Variants in RIMBP2 observed in about 807,000 individuals in gnomAD.
RIMBP2 encodes the protein RIMS-binding protein 2.
A neutral mutation model predicts 118.6 loss-of-function variants in RIMBP2; 48 were observed. The observed-to-expected ratio is 0.40, with a 90% CI of 0.32 to 0.51. The LOEUF (loss-of-function observed/expected upper bound fraction) is 0.51, where lower values mean the gene tolerates loss of function less well. Among genes scored for constraint, RIMBP2 ranks in the 20% least tolerant of loss-of-function variants. The pLI is 0.41. For synonymous variants in RIMBP2, 762 were observed against 742.9 expected, an observed-to-expected ratio of 1.03 and a Z score of -0.42; for missense variants, 1,551 against 1,768.3, an observed-to-expected ratio of 0.88 and a Z score of 2.20.
chr12:130,646,164 TCACCAC>T, intron 1 of RIMBP2, among the ~76,000 whole-genome samples: 1 of 82,934 alleles, frequency 1.2e-5, no homozygotes, highest in Non-Finnish European at 2.9e-5. Context: ...TCCACCTCCC[TCACCAC>T]CTGCCTCTCC....
chr12:130,429,677 A>G (rs2077033937), intron 14 of RIMBP2: 1 of 152,172 alleles, frequency 6.6e-6, no homozygotes, highest in African/African-American at 2.4e-5. Flanking sequence ...TTCCTAACCC[A>G]GATGAAGATG....
intron 2 of RIMBP2, among the ~76,000 whole-genome samples, chr12:130,577,756 A>T (rs1331203328): frequency 6.6e-6 from 1 of 152,134 alleles, no homozygotes; most frequent in Non-Finnish European, 1.5e-5. Context: ...AAATGCCTTT[A>T]TGGTGCAATA....
intron 6 of RIMBP2, among the ~76,000 whole-genome samples, chr12:130,463,002 G>A (rs558375155): frequency 2.0e-5 from 3 of 152,300 alleles, no homozygotes; most frequent in East Asian, 3.9e-4. Flanking sequence ...TAGGCTCCTC[G>A]CCTGAGCACA....
intron 2 of RIMBP2, among the ~76,000 whole-genome samples, chr12:130,616,166 G>C (rs1246570569): frequency 1.3e-5 from 2 of 152,106 alleles, no homozygotes; most frequent in Admixed American, 6.5e-5. Context: ...CAGACAAATG[G>C]GGAGCTGTTC....
intron 1 of RIMBP2, among the ~76,000 whole-genome samples, chr12:130,659,241 G>A (rs995904751): frequency 1.3e-5 from 2 of 152,096 alleles, no homozygotes; most frequent in African/African-American, 2.4e-5. Flanking sequence ...CAATGTATCC[G>A]AAATATTACC....
Position 130,648,614 on chromosome 12 carries a change from C to T in RIMBP2, c.-351-20158G>A, listed in dbSNP as rs186449598. ...TTTTTTCTACAATAAATATATGTTA[C>T]TCCATTAATCATAATCAAGTTAAAA... is the stretch of plus-strand genomic sequence containing the variant. On this transcript the variant is annotated intron_variant, in intron 1 of 22. Transcript: ENST00000690449. Among the ~76,000 whole-genome samples, 185 of 144,266 alleles carry T rather than the reference C, an allele frequency of 1.3e-3. 12 individuals are homozygous for T. Among genetic ancestry groups the T allele is most frequent in the East Asian group, 8.0e-3 (41 of 5,128 alleles). 94.6% of individuals were successfully genotyped at this position (144,266 alleles called of 152,430 possible).
chr12:130,470,476 T>C, intron 6 of RIMBP2: 1 of 387,032 alleles, frequency 2.6e-6, no homozygotes, highest in Non-Finnish European at 4.6e-6. Flanking sequence ...CTGCTTAACC[T>C]CTCTGTGCCT....
intron 2 of RIMBP2, among the ~76,000 whole-genome samples, chr12:130,537,685 A>G (rs539986990): frequency 1.2e-4 from 19 of 152,234 alleles, no homozygotes; most frequent in Non-Finnish European, 2.6e-4. Flanking sequence ...CAGGTTGTAC[A>G]TATACGGTAC....
At position 130,431,382 on chromosome 12, in the gene RIMBP2, T is replaced by C. The variant is rs1262044725; in HGVS notation, c.2254-3045A>G. On this transcript the variant is annotated intron_variant, in intron 14 of 22. Transcript: ENST00000690449. The surrounding 1 kb of genome is among the most constrained non-coding windows in gnomAD (Gnocchi z 4.0). ...TTCCCGGGTTGTAAAACTGGCAGTC[T>C]GTGCACCAGCTCAACTTCAGTCACT... 8.1e-6 allele frequency: 3 copies of C among 371,092 alleles called. No individual in the cohort carries two copies. The highest frequency in any genetic ancestry group is 5.4e-5 in the Admixed American group (2 of 37,264). The allele number at this position is 371,092 out of a possible 1,614,324, so 23.0% of individuals were successfully genotyped here. A position where few individuals can be genotyped will look rare whatever the true frequency, so the allele number is the denominator to read the frequency against.
chr12:130,433,468 G>C (rs1220360738), intron 14 of RIMBP2, among the ~76,000 whole-genome samples: 3 of 152,328 alleles, frequency 2.0e-5, no homozygotes, highest in South Asian at 2.1e-4. Context: ...TCTTCAGAGA[G>C]AGCACCCTCA....
intron 6 of RIMBP2, among the ~76,000 whole-genome samples, chr12:130,470,018 T>C (rs1010994888): frequency 6.6e-6 from 1 of 152,294 alleles, no homozygotes; most frequent in Admixed American, 6.5e-5. Context: ...GAGGCTGGCA[T>C]TGGACCAGGA....
rs2052710220 is a variant in RIMBP2, at chr12:130,525,718, C to T, written c.-216-7801G>A. 6.6e-6 allele frequency among the ~76,000 whole-genome samples: 1 copy of T among 152,150 alleles called. No homozygotes were observed. The highest frequency in any genetic ancestry group is 2.4e-5 in the African/African-American group (1 of 41,422). ...GTATGGGGGGAGATGACCCAAGGGG[C>T]TCATGTTGGATGATGCAGCAGCTTT... On this transcript the variant is annotated intron_variant, in intron 2 of 22. Coordinates refer to ENST00000690449, the MANE Select transcript of RIMBP2 (RefSeq NM_001393629.1). The surrounding 1 kb of genome is among the most constrained non-coding windows in gnomAD (Gnocchi z 4.4).
At chr12:130,473,608 G>A (rs185958422) in intron 5 of RIMBP2, among the ~76,000 whole-genome samples, 13 of 152,302 alleles carry the variant, frequency 8.5e-5, no homozygotes, top group African/African-American at 2.2e-4. Flanking sequence ...CTCCGTGGGC[G>A]TTATGAAACG....
At chr12:130,512,376 G>A (rs1337032056) in intron 3 of RIMBP2, among the ~76,000 whole-genome samples, 6 of 152,056 alleles carry the variant, frequency 3.9e-5, no homozygotes, top group African/African-American at 1.4e-4. Flanking sequence ...AGGCTGGAGT[G>A]CAGTGGCATG....
At chr12:130,485,737 G>A (rs958230073) in intron 4 of RIMBP2, among the ~76,000 whole-genome samples, 3 of 152,168 alleles carry the variant, frequency 2.0e-5, no homozygotes, top group African/African-American at 4.8e-5. Flanking sequence ...AAACAGCTCC[G>A]GGCGTGGTCC....
chr12:130,590,824 C>G (rs986152361), intron 2 of RIMBP2, among the ~76,000 whole-genome samples: 1 of 152,162 alleles, frequency 6.6e-6, no homozygotes, highest in African/African-American at 2.4e-5. Flanking sequence ...CCATTTTTAC[C>G]AGCAAAACAA....
At chr12:130,618,871 C>A (rs988562960) in intron 2 of RIMBP2, among the ~76,000 whole-genome samples, 1 of 152,168 alleles carries the variant, frequency 6.6e-6, no homozygotes, top group Non-Finnish European at 1.5e-5. Context: ...AGCCTCAGCC[C>A]ACCTAGAAAG....
chr12:130,427,121 A>G (rs1282673453), intron 15 of RIMBP2: 1 of 152,300 alleles, frequency 6.6e-6, no homozygotes, highest in Non-Finnish European at 1.5e-5. Flanking sequence ...CCAGGAGAAC[A>G]TAAGTCAGTC....
chr12:130,498,405 G>A (rs931050106), intron 4 of RIMBP2, among the ~76,000 whole-genome samples: 7 of 152,174 alleles, frequency 4.6e-5, no homozygotes, highest in African/African-American at 1.7e-4. Flanking sequence ...CTGGGCACTA[G>A]AACAAAGGCT....
Sources: gnomAD v4.1 joint callset for allele counts (sites outside exome capture counted in the v4.1 genomes callset) on GRCh38, gnomAD v4.1.1 for gene constraint, Gnocchi (gnomAD v3.1) non-coding constraint, MANE v1.5 for transcripts, NCBI Gene and HGNC (gene_info 2026-07-23, HGNC 2026-07-21) for gene names.